NPC1: variants seen among roughly 807,000 people sequenced by gnomAD.
NPC1 encodes the protein NPC intracellular cholesterol transporter 1, also known as Niemann-Pick C1 protein.
A neutral mutation model predicts 140.4 loss-of-function variants in NPC1; 85 were observed. The observed-to-expected ratio is 0.61, with a 90% confidence interval of 0.51 to 0.72. The LOEUF (loss-of-function observed/expected upper bound fraction) is 0.72, where lower values mean the gene tolerates loss of function less well. NPC1 is among the 30% of genes least tolerant of loss of function. The pLI is 0.00. For missense variants in NPC1, 1,504 were observed against 1,623.8 expected (o/e 0.93, Z 1.27); for synonymous variants, 656 against 624.8 (o/e 1.05, Z -0.74).
At chr18:23,579,026 T>C (rs1372636144) in intron 1 of NPC1, among the ~76,000 whole-genome samples, 2 of 152,198 alleles carry the variant, frequency 1.3e-5, no homozygotes, top group African/African-American at 4.8e-5. Context: ...TCCCACTGCC[T>C]GTGCGACAAG....
At chr18:23,539,251 G>A in intron 19 of NPC1, 104 bp downstream of exon 19, 1 of 769,622 alleles carries the variant, frequency 1.3e-6, no homozygotes, top group Non-Finnish European at 2.3e-6. Context: ...ACCCAGCTTT[G>A]ATATACAAAT....
At chr18:23,555,397 T>C (rs1424987075) in intron 8 of NPC1, among the ~76,000 whole-genome samples, 1 of 152,242 alleles carries the variant, frequency 6.6e-6, no homozygotes, top group Non-Finnish European at 1.5e-5. Flanking sequence ...CATTTATATA[T>C]GTCCCCTTAT....
rs201226297 is a variant in NPC1 at position 23,554,899 on chromosome 18, G to A, written c.1412C>T (p.Pro471Leu). ...TVTLQDICLA[P>L]LSPYNTNCTI... ...GCAGTTCGTGTTATACGGTGAAAGA[G>A]GGGCCAAGCAGATGTCTTGAAGTGT... The change falls in exon 9 of 25, where the codon CCT (proline) becomes CTT (leucine). Residue 471 changes from proline (P) to leucine (L), a missense_variant. Coordinates refer to ENST00000269228, the MANE Select transcript of NPC1 (RefSeq NM_000271.5). 4 of 1,614,118 alleles carry A rather than the reference G, an allele frequency of 2.5e-6. No individual in the cohort carries two copies. Among genetic ancestry groups the A allele is most frequent in the Non-Finnish European group, 3.4e-6 (4 of 1,179,960 alleles).
At chr18:23,562,932 G>A (rs533233360) in intron 4 of NPC1, among the ~76,000 whole-genome samples, 2 of 152,240 alleles carry the variant, frequency 1.3e-5, no homozygotes, top group South Asian at 4.1e-4. Flanking sequence ...ATAATTTAAT[G>A]GAGTTTAGCA....
intron 4 of NPC1, among the ~76,000 whole-genome samples, chr18:23,567,653 T>C (rs1421701657): frequency 6.6e-6 from 1 of 152,212 alleles, no homozygotes; most frequent in Non-Finnish European, 1.5e-5. Context: ...CTTATATGGG[T>C]CTCCAGGTTT....
At position 23,535,499 on chromosome 18, in the gene NPC1, C is replaced by T. The variant is rs147249773; in HGVS notation, c.3447G>A (p.Leu1149=). 5.0e-6 allele frequency: 8 copies of T among 1,613,520 alleles called. No individual in the cohort carries two copies. The African/African-American group carries it at 6.7e-5, about 13-fold the overall frequency. Residue 1149 remains leucine, a synonymous_variant, in exon 22 of 25, where the codon CTG becomes CTA. Coordinates refer to ENST00000269228, the MANE Select transcript of NPC1 (RefSeq NM_000271.5). ...CCAGGTTGACCAAGGATACAGCGTTCAGACTGATGCCCCAGAGCCACATAA... is the reference window on the plus strand; with the variant it reads ...CCAGGTTGACCAAGGATACAGCGTTTAGACTGATGCCCCAGAGCCACATAA... ...FGVMWLWGIS[L]NAVSLVNLVM...
At chr18:23,574,664 CTT>C (rs894341802) in intron 1 of NPC1, among the ~76,000 whole-genome samples, 81 of 152,286 alleles carry the variant, frequency 5.3e-4, no homozygotes, top group African/African-American at 1.9e-3. Context: ...ATCAATATCA[CTT>C]TTCTCTGAAT....
chr18:23,529,124 C>T (rs182433603), downstream of NPC1: 41 of 1,584,182 alleles, frequency 2.6e-5, no homozygotes, highest in East Asian at 7.8e-4. Flanking sequence ...GAACTGTAAA[C>T]AGCACCCTTC....
intron 6 of NPC1, 124 bp downstream of exon 6, chr18:23,560,107 G>A: frequency 8.7e-7 from 1 of 1,154,464 alleles, no homozygotes; most frequent in Non-Finnish European, 1.3e-6. Flanking sequence ...AATAATCCAT[G>A]CAATGGTATT....
intron 8 of NPC1, 92 bp downstream of exon 8, chr18:23,556,151 C>A: frequency 8.8e-7 from 1 of 1,130,028 alleles, no homozygotes; most frequent in Non-Finnish European, 1.3e-6. Context: ...TGACATTCAG[C>A]CCCAAATCCC....
At chr18:23,555,839 C>T (rs948528119) in intron 8 of NPC1, among the ~76,000 whole-genome samples, 1 of 152,196 alleles carries the variant, frequency 6.6e-6, no homozygotes, top group Non-Finnish European at 1.5e-5. Context: ...GCCCCCAGGA[C>T]AGCAGTAAGG....
At chr18:23,576,243 A>G (rs2059276784) in intron 1 of NPC1, among the ~76,000 whole-genome samples, 1 of 146,142 alleles carries the variant, frequency 6.8e-6, no homozygotes, top group Non-Finnish European at 1.5e-5. Flanking sequence ...CAAAAAAACA[A>G]AACAAACAAA....
chr18:23,570,123 C>T (rs1210043552), intron 3 of NPC1, among the ~76,000 whole-genome samples: 1 of 152,158 alleles, frequency 6.6e-6, no homozygotes, highest in African/African-American at 2.4e-5. Flanking sequence ...GCAACAAAGC[C>T]AGAAACCACA....
intron 10 of NPC1, among the ~76,000 whole-genome samples, chr18:23,550,475 A>ATTTATTTTTTTTTTTTT (rs1491268509): frequency 1.9e-5 from 1 of 53,504 alleles, no homozygotes; most frequent in Non-Finnish European, 3.3e-5. Context: ...CAGTTCTTAC[A>ATTTATTTTTTTTTTTTT]TTTCTTTTTT....
intron 1 of NPC1, chr18:23,524,006 C>T (rs1315253394): frequency 2.8e-6 from 3 of 1,090,620 alleles, no homozygotes; most frequent in East Asian, 4.8e-5. Flanking sequence ...TCATTTCTTC[C>T]TTGACTACAA....
At chr18:23,552,876 G>C (rs941810360) in intron 9 of NPC1, among the ~76,000 whole-genome samples, 1 of 152,208 alleles carries the variant, frequency 6.6e-6, no homozygotes, top group Admixed American at 6.5e-5. Flanking sequence ...GCGAGGGCGA[G>C]GCAGAATTCA....
At chr18:23,567,802 G>C (rs1451524367) in intron 4 of NPC1, among the ~76,000 whole-genome samples, 1 of 152,180 alleles carries the variant, frequency 6.6e-6, no homozygotes, top group Non-Finnish European at 1.5e-5. Flanking sequence ...GGTTGTAAGT[G>C]GTGGAGTACA....
intron 4 of NPC1, among the ~76,000 whole-genome samples, chr18:23,566,342 T>C (rs1249100875): frequency 2.0e-5 from 3 of 152,156 alleles, no homozygotes; most frequent in Admixed American, 6.5e-5. Context: ...CATGATTGCA[T>C]CACTGTATTC....
At chr18:23,534,671 A>C in intron 22 of NPC1, 112 bp from the exon 23 acceptor site, 1 of 808,494 alleles carries the variant, frequency 1.2e-6, no homozygotes, top group Non-Finnish European at 2.1e-6. Flanking sequence ...GTGCTAGAGG[A>C]GGCCAAGCAT....
Sources: allele counts gnomAD v4.1 joint callset (sites outside exome capture counted in the v4.1 genomes callset), GRCh38; gene constraint gnomAD v4.1.1; transcripts MANE v1.5; gene names NCBI Gene and HGNC (gene_info 2026-07-23, HGNC 2026-07-21).